PTPRB: variants seen among roughly 807,000 people sequenced by gnomAD.
PTPRB encodes the protein receptor-type tyrosine-protein phosphatase beta.
In PTPRB, 97 loss-of-function variants were observed where a neutral mutation model predicts 238.1. The ratio of observed to expected loss-of-function variants is 0.41; its 90% CI spans 0.35 to 0.48. PTPRB has a LOEUF of 0.48. Among genes scored for constraint, PTPRB ranks in the 20% least tolerant of loss-of-function variants. The pLI is 0.30. For synonymous variants in PTPRB, 970 were observed against 995.4 expected, an observed-to-expected ratio of 0.97 and a Z score of 0.48; for missense variants, 2,292 against 2,681.9, an observed-to-expected ratio of 0.85 and a Z score of 3.21.
intron 32 of PTPRB, chr12:70,525,420 G>A (rs1241659434): frequency 6.6e-6 from 1 of 152,184 alleles, no homozygotes; most frequent in African/African-American, 2.4e-5. Context: ...AGTTCTTTGA[G>A]TGCAAGGTCA....
At chr12:70,602,190 A>G (rs1883569135) in intron 4 of PTPRB, among the ~76,000 whole-genome samples, 1 of 152,212 alleles carries the variant, frequency 6.6e-6, no homozygotes. Context: ...ATGCTAATAC[A>G]TCAGGTTGCT....
rs1357827910 is a variant in PTPRB at position 70,517,817 on chromosome 12, T to C, written c.*3672A>G. 6.6e-6 allele frequency: 1 copy of C among 152,116 alleles called. No individual in the cohort carries two copies. Among genetic ancestry groups the C allele is most frequent in the South Asian group, 2.1e-4 (1 of 4,826 alleles). The allele number at this position is 152,116 out of a possible 1,614,324, so 9.4% of individuals were successfully genotyped here. ...TTGTGCAGATCTGGTAGCTTTATGA[T>C]TTCAGGATTCCAACCTCAAAGAATT... On this transcript the variant is annotated 3_prime_UTR_variant, in exon 34 of 34. Coordinates refer to ENST00000334414, the MANE Select transcript of PTPRB (RefSeq NM_001109754.4).
rs1875010079 is a variant in PTPRB at position 70,541,036 on chromosome 12, C to CAT, written c.5495-81_5495-80dup. On this transcript the variant is annotated intron_variant, in intron 22 of 33. Coordinates refer to ENST00000334414, the MANE Select transcript of PTPRB (RefSeq NM_001109754.4). ...GAACCAGTAAGAAAGCTATTGAAGC[C>CAT]ATATCTCCCAAGTAATGTTATTACA... 4 of 1,091,900 alleles carry CAT rather than the reference C, an allele frequency of 3.7e-6. No homozygotes were observed. The East Asian group carries it at 1.0e-4, about 28-fold the overall frequency. The allele number at this position is 1,091,900 out of a possible 1,614,324, so 67.6% of individuals were successfully genotyped here. A position where few individuals can be genotyped will look rare whatever the true frequency, so the allele number is the denominator to read the frequency against.
intron 2 of PTPRB, among the ~76,000 whole-genome samples, chr12:70,624,294 C>A (rs1261860827): frequency 6.6e-6 from 1 of 152,016 alleles, no homozygotes; most frequent in Non-Finnish European, 1.5e-5. Flanking sequence ...CAAATGTAAC[C>A]GAGTGCTGCG....
chr12:70,559,105 A>G (rs1282029697), intron 18 of PTPRB: 1 of 598,118 alleles, frequency 1.7e-6, no homozygotes, highest in African/African-American at 1.9e-5. Flanking sequence ...TATAATGTCT[A>G]TTTACAAATA....
At chr12:70,609,025 A>G in intron 4 of PTPRB, 44 bp downstream of exon 4, 2 of 1,603,026 alleles carry the variant, frequency 1.2e-6, no homozygotes, top group African/African-American at 2.7e-5. Context: ...GCAGGGCCCA[A>G]CCCCGTGTGG....
chr12:70,535,321 A>AAT (rs1331793717), intron 29 of PTPRB, among the ~76,000 whole-genome samples: 1 of 150,198 alleles, frequency 6.7e-6, no homozygotes, highest in African/African-American at 2.5e-5. Flanking sequence ...TAAAGAAAGA[A>AAT]ATATCTAGTT....
chr12:70,606,974 G>T (rs1883999585), intron 4 of PTPRB, among the ~76,000 whole-genome samples: 1 of 152,194 alleles, frequency 6.6e-6, no homozygotes, highest in Non-Finnish European at 1.5e-5. Context: ...GACAAGTAAA[G>T]TGTGTCTCTT....
At chr12:70,631,162 T>C (rs1885434971) in intron 2 of PTPRB, among the ~76,000 whole-genome samples, 2 of 152,142 alleles carry the variant, frequency 1.3e-5, no homozygotes, top group African/African-American at 4.8e-5. Flanking sequence ...GGCATCACAC[T>C]ACCTGACTTC....
chr12:70,533,928 A>C (rs1205069140), intron 31 of PTPRB, among the ~76,000 whole-genome samples: 2 of 152,164 alleles, frequency 1.3e-5, no homozygotes, highest in Non-Finnish European at 2.9e-5. Context: ...ATAAATTTCT[A>C]TTATTTATTA....
At chr12:70,589,290 A>T (rs905178529) in intron 8 of PTPRB, among the ~76,000 whole-genome samples, 14 of 152,202 alleles carry the variant, frequency 9.2e-5, no homozygotes, top group Admixed American at 1.3e-4. Flanking sequence ...TTTCCCTATT[A>T]TCAGGCGAAC....
intron 4 of PTPRB, among the ~76,000 whole-genome samples, chr12:70,606,755 G>T (rs1883980979): frequency 6.6e-6 from 1 of 152,152 alleles, no homozygotes; most frequent in Admixed American, 6.5e-5. Flanking sequence ...ATTCACATAT[G>T]TCCTTAAAAT....
At chr12:70,539,071 C>T (rs962331581) in intron 26 of PTPRB, 57 bp from the exon 27 acceptor site, 2 of 1,311,664 alleles carry the variant, frequency 1.5e-6, no homozygotes, top group East Asian at 2.3e-5. Context: ...TAAAGCAAAT[C>T]ATACAGTCCT....
intron 15 of PTPRB, among the ~76,000 whole-genome samples, chr12:70,564,742 A>C (rs910804942): frequency 6.6e-6 from 1 of 151,550 alleles, no homozygotes; most frequent in African/African-American, 2.4e-5. Context: ...TTGAGATGGG[A>C]GGATTGTTTG....
chr12:70,536,189 G>A, intron 28 of PTPRB, 30 bp from the exon 29 acceptor site: 1 of 1,602,388 alleles, frequency 6.2e-7, no homozygotes, highest in Non-Finnish European at 8.5e-7. Flanking sequence ...TGGAGAGTCA[G>A]AAACAATGGG....
chr12:70,529,173 G>C (rs1441533182), intron 32 of PTPRB, among the ~76,000 whole-genome samples: 2 of 152,140 alleles, frequency 1.3e-5, no homozygotes, highest in African/African-American at 4.8e-5. Context: ...CAGTGAGGCA[G>C]GAGGAAAAGG....
chr12:70,546,608 AAAC>A (rs1270026828), intron 21 of PTPRB, among the ~76,000 whole-genome samples: 2 of 152,230 alleles, frequency 1.3e-5, no homozygotes, highest in African/African-American at 4.8e-5. Flanking sequence ...TAGAAGAGGA[AAAC>A]AACATGATTA....
Position 70,516,775 on chromosome 12 carries a change from T to G in PTPRB, c.*4714A>C, listed in dbSNP as rs1349413389. 6.6e-6 allele frequency: 1 copy of G among 152,228 alleles called. No homozygotes were observed. The highest frequency in any genetic ancestry group is 1.9e-4 in the East Asian group (1 of 5,200). The allele number at this position is 152,228 out of a possible 1,614,324, so 9.4% of individuals were successfully genotyped here. On this transcript the variant is annotated 3_prime_UTR_variant, in exon 34 of 34. Transcript: ENST00000334414. Reference sequence around the variant, plus strand: ...TTTTGGTGTCTTATATAAGATCATGTGAATTGGCATAGAGGTTATAAAAAT... The same window carrying G: ...TTTTGGTGTCTTATATAAGATCATGGGAATTGGCATAGAGGTTATAAAAAT...
chr12:70,559,864 T>A (rs1257757866), intron 17 of PTPRB, among the ~76,000 whole-genome samples: 1 of 150,644 alleles, frequency 6.6e-6, no homozygotes, highest in African/African-American at 2.4e-5. Context: ...AGACAGAGTT[T>A]TGCTCTTGCT....
Sources: gnomAD v4.1 joint callset for allele counts (sites outside exome capture counted in the v4.1 genomes callset) on GRCh38, gnomAD v4.1.1 for gene constraint, MANE v1.5 for transcripts, NCBI Gene and HGNC (gene_info 2026-07-23, HGNC 2026-07-21) for gene names.